CDH12: variants seen among roughly 807,000 people sequenced by gnomAD.
CDH12 encodes the protein cadherin-12.
A neutral mutation model predicts 74.1 loss-of-function variants in CDH12; 41 were observed. That is an observed-to-expected ratio of 0.55 (90% CI 0.43 to 0.72). CDH12 has a LOEUF of 0.72. Among genes scored for constraint, CDH12 ranks in the 30% least tolerant of loss-of-function variants. The pLI, the probability that CDH12 is intolerant of heterozygous loss-of-function variation, is 0.00. For missense variants in CDH12, 945 were observed against 977.2 expected (o/e 0.97, Z 0.44); for synonymous variants, 399 against 355.0 (o/e 1.12, Z -1.39).
At chr5:22,672,084 ATAAT>A (rs1339468885) in intron 1 of CDH12, among the ~76,000 whole-genome samples, 3 of 114,218 alleles carry the variant, frequency 2.6e-5, no homozygotes, top group Non-Finnish European at 4.9e-5. Context: ...TATAATATAA[ATAAT>A]TATATATAAT....
chr5:22,435,524 G>GTATATATA (rs1554040614), intron 2 of CDH12, among the ~76,000 whole-genome samples: 1 of 148,724 alleles, frequency 6.7e-6, no homozygotes, highest in African/African-American at 2.5e-5. Flanking sequence ...GTGTGTGTGT[G>GTATATATA]TATATACATA....
intron 3 of CDH12, among the ~76,000 whole-genome samples, chr5:22,333,873 C>T (rs1739451030): frequency 6.6e-6 from 1 of 152,070 alleles, no homozygotes; most frequent in South Asian, 2.1e-4. Flanking sequence ...CAGAATGAAG[C>T]ACAAAAACCA....
At chr5:22,830,060 G>A (rs1736519646) in intron 1 of CDH12, among the ~76,000 whole-genome samples, 1 of 152,016 alleles carries the variant, frequency 6.6e-6, no homozygotes, top group Non-Finnish European at 1.5e-5. Flanking sequence ...TTTTTAAAAG[G>A]CTAAATCAAA....
chr5:22,541,877 T>C (rs1291886287), intron 1 of CDH12, among the ~76,000 whole-genome samples: 1 of 152,142 alleles, frequency 6.6e-6, no homozygotes, highest in African/African-American at 2.4e-5. Context: ...TTCTAATGCT[T>C]CCAGGACTTG....
chr5:22,561,392 A>G (rs1401837689), intron 1 of CDH12, among the ~76,000 whole-genome samples: 6 of 152,128 alleles, frequency 3.9e-5, no homozygotes, highest in Admixed American at 6.5e-5. Context: ...TAACCTAACA[A>G]TTGATTATAA....
At chr5:22,793,353 C>A (rs187315236) in intron 1 of CDH12, among the ~76,000 whole-genome samples, 3 of 152,158 alleles carry the variant, frequency 2.0e-5, no homozygotes, top group Non-Finnish European at 4.4e-5. Flanking sequence ...ATATACTGTG[C>A]CTTCCTGCTT....
chr5:22,352,495 C>A (rs572227424), intron 3 of CDH12, among the ~76,000 whole-genome samples: 39 of 152,122 alleles, frequency 2.6e-4, no homozygotes, highest in Non-Finnish European at 5.0e-4. Context: ...TGAAATCTGA[C>A]AGGATTAGCC....
At chr5:21,884,166 A>AGAACT (rs1752508548) in intron 6 of CDH12, 1 of 1,583,058 alleles carries the variant, frequency 6.3e-7, no homozygotes, top group South Asian at 1.1e-5. Context: ...AAAGCTTGTG[A>AGAACT]GAACTGCTTT....
At chr5:22,059,336 CATCTATCTATCTATCTATCT>C (rs58259827) in intron 5 of CDH12, among the ~76,000 whole-genome samples, 87 of 144,154 alleles carry the variant, frequency 6.0e-4, no homozygotes, top group Non-Finnish European at 1.1e-3. Context: ...GTCTATCTAT[CATCTATCTATCTATCTATCT>C]ATCTATCTAT....
chr5:21,889,218 T>C (rs2150042289), intron 6 of CDH12, among the ~76,000 whole-genome samples: 1 of 152,238 alleles, frequency 6.6e-6, no homozygotes, highest in Middle Eastern at 3.4e-3. Flanking sequence ...AGAAATATAA[T>C]TTGAACATTA....
intron 2 of CDH12, among the ~76,000 whole-genome samples, chr5:22,417,256 TC>T (rs1743437038): frequency 6.6e-6 from 1 of 152,198 alleles, no homozygotes; most frequent in African/African-American, 2.4e-5. Context: ...CCACTAAAGT[TC>T]AAGTATCTGA....
chr5:22,846,630 T>G (rs1737317024), intron 1 of CDH12, among the ~76,000 whole-genome samples: 1 of 152,236 alleles, frequency 6.6e-6, no homozygotes, highest in Non-Finnish European at 1.5e-5. Flanking sequence ...TGATGGATAC[T>G]GTCAAATTTA....
rs142437204 is a variant in CDH12, at chr5:22,412,065, T to C, written c.-427-6714A>G. The stretch of plus-strand genomic sequence containing the variant: ...AAATTTATTCCTACACCATCATAGG[T>C]AGACAGACAGAAATTTCACAGAGAG... On this transcript the variant is annotated intron_variant, in intron 2 of 14. Coordinates refer to ENST00000382254, the MANE Select transcript of CDH12 (RefSeq NM_004061.5). Among the ~76,000 whole-genome samples the C allele has an allele frequency of 2.1e-3, 319 of 152,092 alleles. 4 individuals carry two copies. Among genetic ancestry groups the C allele is most frequent in the Middle Eastern group, 0.02 (6 of 294 alleles).
At chr5:22,837,438 T>A (rs1736879568) in intron 1 of CDH12, among the ~76,000 whole-genome samples, 1 of 151,850 alleles carries the variant, frequency 6.6e-6, no homozygotes, top group South Asian at 2.1e-4. Flanking sequence ...AATAAAATAA[T>A]CCTAAATACA....
intron 4 of CDH12, 96 bp from the exon 5 acceptor site, chr5:22,078,958 C>A (rs182466948): frequency 2.1e-6 from 1 of 469,576 alleles, no homozygotes; most frequent in Non-Finnish European, 3.1e-6. Flanking sequence ...TTAAGGAAAC[C>A]GAGAAGAAAG....
chr5:21,992,981 A>G (rs551733339), intron 5 of CDH12, among the ~76,000 whole-genome samples: 1 of 152,212 alleles, frequency 6.6e-6, no homozygotes, highest in East Asian at 1.9e-4. Context: ...AGAGAGAGAG[A>G]GATAGCCAGG....
intron 1 of CDH12, among the ~76,000 whole-genome samples, chr5:22,558,578 A>T (rs1349225540): frequency 6.6e-6 from 1 of 152,088 alleles, no homozygotes; most frequent in Admixed American, 6.6e-5. Flanking sequence ...GAAAGAGGCA[A>T]CATAAAGCCA....
intron 1 of CDH12, among the ~76,000 whole-genome samples, chr5:22,806,615 A>G (rs540739026): frequency 2.6e-5 from 4 of 151,962 alleles, no homozygotes; most frequent in Admixed American, 6.6e-5. Flanking sequence ...CGGCCTCCCA[A>G]AGTGCTGGGA....
intron 3 of CDH12, among the ~76,000 whole-genome samples, chr5:22,291,854 C>T (rs1296207125): frequency 6.6e-6 from 1 of 151,970 alleles, no homozygotes; most frequent in Non-Finnish European, 1.5e-5. Flanking sequence ...AAAGATCATC[C>T]TAAAATTTGT....
Sources: allele counts gnomAD v4.1 joint callset (sites outside exome capture counted in the v4.1 genomes callset), GRCh38; gene constraint gnomAD v4.1.1; transcripts MANE v1.5; gene names NCBI Gene and HGNC (gene_info 2026-07-23, HGNC 2026-07-21).